Variants in TFEC observed in about 807,000 individuals in gnomAD.
The protein encoded by TFEC is class E basic helix-loop-helix protein 34.
In TFEC, 31 loss-of-function variants were observed where a neutral mutation model predicts 41.6. The ratio of observed to expected loss-of-function variants is 0.74; its 90% CI spans 0.56 to 1.01. The LOEUF (loss-of-function observed/expected upper bound fraction) is 1.01, where lower values mean the gene tolerates loss of function less well. TFEC is among the 50% of genes least tolerant of loss of function. The pLI is 0.00. For synonymous variants in TFEC, 143 were observed against 140.6 expected (o/e 1.02, Z -0.12); for missense variants, 402 against 404.1 (o/e 0.99, Z 0.04).
chr7:116,146,766 CAAGT>C (rs1463763042), intron 1 of TFEC, among the ~76,000 whole-genome samples: 15 of 152,172 alleles, frequency 9.9e-5, no homozygotes, highest in African/African-American at 3.6e-4. Context: ...TAGTAACTGT[CAAGT>C]AAGGCCATCA....
intron 1 of TFEC, among the ~76,000 whole-genome samples, chr7:116,130,607 T>C (rs536557233): frequency 6.6e-6 from 1 of 152,258 alleles, no homozygotes; most frequent in Admixed American, 6.5e-5. Context: ...TTCTGCACAA[T>C]ATTTCTTTTT....
chr7:116,134,663 A>C (rs548309539), intron 1 of TFEC, among the ~76,000 whole-genome samples: 1 of 152,170 alleles, frequency 6.6e-6, no homozygotes, highest in Non-Finnish European at 1.5e-5. Flanking sequence ...AAAAATTAGA[A>C]GTCTTCTTCG....
intron 3 of TFEC, among the ~76,000 whole-genome samples, chr7:116,076,211 C>A (rs1306924061): frequency 3.3e-5 from 5 of 152,092 alleles, no homozygotes; most frequent in African/African-American, 1.2e-4. Context: ...AGCCCCATTC[C>A]TAGGGGAAGC....
intron 3 of TFEC, among the ~76,000 whole-genome samples, chr7:116,051,034 A>T (rs1416447312): frequency 1.3e-5 from 2 of 152,162 alleles, no homozygotes; most frequent in African/African-American, 4.8e-5. Flanking sequence ...ATTCTAAGCA[A>T]ACTATTGCAA....
At chr7:115,977,553 A>T (rs1793439617) in intron 2 of TFEC, among the ~76,000 whole-genome samples, 1 of 151,936 alleles carries the variant, frequency 6.6e-6, no homozygotes, top group South Asian at 2.1e-4. Flanking sequence ...GGATATAAAA[A>T]CTCAGAAACT....
chr7:116,138,468 C>T (rs1452343547), intron 1 of TFEC, among the ~76,000 whole-genome samples: 2 of 152,082 alleles, frequency 1.3e-5, no homozygotes, highest in South Asian at 2.1e-4. Context: ...TGAAGTGAGG[C>T]CTGAGATAAC....
intron 3 of TFEC, among the ~76,000 whole-genome samples, chr7:116,090,316 G>A (rs1797296555): frequency 6.6e-6 from 1 of 152,098 alleles, no homozygotes; most frequent in South Asian, 2.1e-4. Flanking sequence ...TGGCCCATGG[G>A]AAATCTCTAG....
At chr7:116,148,441 A>G (rs556945988) in intron 1 of TFEC, among the ~76,000 whole-genome samples, 1 of 152,258 alleles carries the variant, frequency 6.6e-6, no homozygotes, top group South Asian at 2.1e-4. Context: ...AGAATCCACG[A>G]ACAGAGCAAT....
chr7:116,004,264 A>C (rs1794705413), intron 1 of TFEC, among the ~76,000 whole-genome samples: 1 of 152,168 alleles, frequency 6.6e-6, no homozygotes, highest in Admixed American at 6.5e-5. Flanking sequence ...ATGAGGGAGG[A>C]CACAAATTAT....
intron 3 of TFEC, among the ~76,000 whole-genome samples, chr7:116,067,924 CT>C: frequency 6.6e-6 from 1 of 151,940 alleles, no homozygotes; most frequent in South Asian, 2.1e-4. Flanking sequence ...GTATGTCACC[CT>C]AAGCCTATAC....
intron 3 of TFEC, among the ~76,000 whole-genome samples, chr7:116,051,011 G>A (rs775182457): frequency 4.6e-5 from 7 of 152,192 alleles, no homozygotes; most frequent in Non-Finnish European, 1.0e-4. Flanking sequence ...CACGGATGAA[G>A]CTGGAAACCA....
chr7:115,997,088 A>G (rs1405714567), intron 1 of TFEC, among the ~76,000 whole-genome samples: 3 of 152,186 alleles, frequency 2.0e-5, no homozygotes, highest in Non-Finnish European at 4.4e-5. Context: ...TGAGAGAAAC[A>G]TAAACAGTAA....
intron 3 of TFEC, among the ~76,000 whole-genome samples, chr7:115,960,881 A>T (rs971964129): frequency 6.6e-6 from 1 of 151,604 alleles, no homozygotes; most frequent in Admixed American, 6.6e-5. Flanking sequence ...AGCTATATTA[A>T]TATCAGAAAA....
At chr7:115,955,357 A>C (rs1792166419) in intron 4 of TFEC, among the ~76,000 whole-genome samples, 1 of 152,054 alleles carries the variant, frequency 6.6e-6, no homozygotes, top group African/African-American at 2.4e-5. Context: ...AATAGGAGAA[A>C]TTTTTAACTT....
At chr7:116,084,321 C>A (rs1797155392) in intron 3 of TFEC, among the ~76,000 whole-genome samples, 1 of 151,960 alleles carries the variant, frequency 6.6e-6, no homozygotes, top group East Asian at 1.9e-4. Context: ...ATAATCTTTC[C>A]TAAACTCCTA....
chr7:116,078,730 T>A (rs1241868235), intron 3 of TFEC, among the ~76,000 whole-genome samples: 1 of 152,010 alleles, frequency 6.6e-6, no homozygotes, highest in East Asian at 1.9e-4. Context: ...ACCAGACAGA[T>A]TCACAGCTGA....
intron 2 of TFEC, chr7:116,110,972 A>G: frequency 9.0e-7 from 1 of 1,110,234 alleles, no homozygotes; most frequent in Non-Finnish European, 1.2e-6. Context: ...AACACATACA[A>G]AATAATATTT....
intron 1 of TFEC, among the ~76,000 whole-genome samples, chr7:116,133,003 T>A (rs1798362701): frequency 6.6e-6 from 1 of 152,234 alleles, no homozygotes; most frequent in African/African-American, 2.4e-5. Flanking sequence ...TAAGCTTTTC[T>A]TCAAAACAGT....
chr7:116,125,237 G>T (rs1458239718), intron 1 of TFEC, among the ~76,000 whole-genome samples: 3 of 152,156 alleles, frequency 2.0e-5, no homozygotes, highest in Non-Finnish European at 2.9e-5. Context: ...ATGCAGGGTT[G>T]CAGGGTATTA....
Sources: allele counts gnomAD v4.1 joint callset (sites outside exome capture counted in the v4.1 genomes callset), GRCh38; gene constraint gnomAD v4.1.1; transcripts MANE v1.5; gene names NCBI Gene and HGNC (gene_info 2026-07-23, HGNC 2026-07-21).